Variants in FRMD3 observed in about 807,000 individuals in gnomAD.
FRMD3 encodes FERM domain containing 3.
FRMD3 carries 33 observed loss-of-function variants against 70.2 expected under a neutral mutation model. The observed-to-expected ratio is 0.47, with a 90% CI of 0.36 to 0.63. The LOEUF is 0.63. Ranked by LOEUF, FRMD3 falls within the 20% of genes least tolerant of loss-of-function variation. The pLI, the probability that FRMD3 is intolerant of heterozygous loss-of-function variation, is 0.00. For synonymous variants in FRMD3, 279 were observed against 255.9 expected, an observed-to-expected ratio of 1.09 and a Z score of -0.86; for missense variants, 632 against 711.4, an observed-to-expected ratio of 0.89 and a Z score of 1.27.
chr9:83,265,395 TAA>T (rs59688591), intron 13 of FRMD3, among the ~76,000 whole-genome samples: 1,839 of 77,260 alleles, frequency 0.024, 30 homozygotes, highest in African/African-American at 0.057. Context: ...GCGAGACTCT[TAA>T]AAAAAAAAAA....
chr9:83,570,154 A>C, the FRMD3 span, among the ~76,000 whole-genome samples: 2 of 152,226 alleles, frequency 1.3e-5, no homozygotes, highest in Non-Finnish European at 2.9e-5. Flanking sequence ...TATCTACTGT[A>C]TGTCAGGCAC....
At chr9:83,513,153 C>T (rs2131533372) in intron 1 of FRMD3, among the ~76,000 whole-genome samples, 2 of 152,332 alleles carry the variant, frequency 1.3e-5, no homozygotes, top group South Asian at 4.1e-4. Flanking sequence ...CCCAACAGAT[C>T]TTACCTCTAG....
rs1019167779 is a variant in FRMD3 at position 83,374,168 on chromosome 9, C to T, written c.253-1213G>A. On this transcript the variant is annotated intron_variant, in intron 2 of 13. Coordinates refer to ENST00000304195, the MANE Select transcript of FRMD3 (RefSeq NM_174938.6). ...GCAGCAGGATTCTGGTGCATGGGCC[C>T]TTAACCTCTCAACTGTATGGCCTCC... Among the ~76,000 whole-genome samples, 7 of 151,950 alleles carry T rather than the reference C, an allele frequency of 4.6e-5. No individual in the cohort carries two copies. The East Asian group carries it at 9.7e-4, about 21-fold the overall frequency.
At chr9:83,507,791 T>A (rs1228316991) in intron 1 of FRMD3, among the ~76,000 whole-genome samples, 2 of 140,224 alleles carry the variant, frequency 1.4e-5, no homozygotes, top group Non-Finnish European at 1.5e-5. Context: ...ACAGTTAACA[T>A]TTTGTATATA....
chr9:83,384,188 A>T (rs564227675), intron 2 of FRMD3, among the ~76,000 whole-genome samples: 1 of 152,350 alleles, frequency 6.6e-6, no homozygotes, highest in Admixed American at 6.5e-5. Flanking sequence ...TTTGAAACGT[A>T]AACAAAAGAG....
intron 1 of FRMD3, among the ~76,000 whole-genome samples, chr9:83,415,711 C>T (rs868314931): frequency 8.7e-5 from 13 of 150,082 alleles, no homozygotes; most frequent in South Asian, 2.1e-4. Flanking sequence ...CCACCTGCCT[C>T]GGCCTCCCAA....
the FRMD3 span, among the ~76,000 whole-genome samples, chr9:83,578,286 T>A: frequency 1.3e-5 from 2 of 151,978 alleles, no homozygotes; most frequent in Admixed American, 6.6e-5. Context: ...CTCAAATGCT[T>A]CTATAAAATT....
intron 1 of FRMD3, among the ~76,000 whole-genome samples, chr9:83,412,201 A>G (rs1174875031): frequency 6.6e-6 from 1 of 152,194 alleles, no homozygotes; most frequent in East Asian, 1.9e-4. Context: ...TCTGCTATTC[A>G]TACGTGTTGT....
intron 1 of FRMD3, among the ~76,000 whole-genome samples, chr9:83,466,923 C>A (rs771912381): frequency 6.6e-6 from 1 of 152,162 alleles, no homozygotes; most frequent in African/African-American, 2.4e-5. Context: ...GATGCTGGTT[C>A]TGCCGAAATA....
intron 6 of FRMD3, among the ~76,000 whole-genome samples, chr9:83,316,091 T>C (rs1265909886): frequency 6.6e-6 from 1 of 152,060 alleles, no homozygotes; most frequent in Non-Finnish European, 1.5e-5. Flanking sequence ...CTGTTATCCA[T>C]AAGGACTCGG....
chr9:83,329,044 G>C (rs970609742), intron 6 of FRMD3, among the ~76,000 whole-genome samples: 1 of 152,050 alleles, frequency 6.6e-6, no homozygotes, highest in Non-Finnish European at 1.5e-5. Flanking sequence ...TCCCCCTTAA[G>C]GTCATCGTAG....
At chr9:83,486,144 T>C (rs1364122199) in intron 1 of FRMD3, among the ~76,000 whole-genome samples, 1 of 152,212 alleles carries the variant, frequency 6.6e-6, no homozygotes. Context: ...CAACATTGAA[T>C]AATATCCTAT....
At chr9:83,469,993 A>T (rs1326809772) in intron 1 of FRMD3, among the ~76,000 whole-genome samples, 2 of 152,230 alleles carry the variant, frequency 1.3e-5, no homozygotes, top group Non-Finnish European at 2.9e-5. Flanking sequence ...AGGCATTTGT[A>T]CTTTTTAAAG....
rs1834378448 is a variant in FRMD3 at position 83,290,613 on chromosome 9, A to G, written c.1185T>C (p.Pro395=). Residue 395 remains proline (P), a synonymous_variant, in exon 13 of 14, where the codon CCT becomes CCC. Coordinates refer to ENST00000304195, the MANE Select transcript of FRMD3 (RefSeq NM_174938.6). ...AAGAGACAGACTTACCCTCACCCAGAGGAAGTTCTTCTTCTTGCTCGCTGG... is the reference window on the plus strand; with the variant it reads ...AAGAGACAGACTTACCCTCACCCAGGGGAAGTTCTTCTTCTTGCTCGCTGG... ...PSPSEQEEEL[P]LGEGVPLPKE... is the part of the protein sequence containing the mutation. The G allele has an allele frequency of 6.2e-7, 1 of 1,614,092 alleles. No homozygotes were observed. Among genetic ancestry groups the G allele is most frequent in the Non-Finnish European group, 8.5e-7 (1 of 1,179,996 alleles).
chr9:83,482,037 TAAAACAAAAG>T (rs1432484824), intron 1 of FRMD3, among the ~76,000 whole-genome samples: 1 of 149,758 alleles, frequency 6.7e-6, no homozygotes, highest in Non-Finnish European at 1.5e-5. Context: ...AAATTAGACA[TAAAACAAAAG>T]AAAACAAAAG....
At chr9:83,522,400 G>GT (rs1829591184) in intron 1 of FRMD3, among the ~76,000 whole-genome samples, 1 of 152,102 alleles carries the variant, frequency 6.6e-6, no homozygotes, top group Admixed American at 6.5e-5. Flanking sequence ...GGCTGGGGGG[G>GT]CAGGGAGCTG....
intron 13 of FRMD3, among the ~76,000 whole-genome samples, chr9:83,251,557 T>C (rs1225148044): frequency 6.6e-6 from 1 of 151,106 alleles, no homozygotes; most frequent in African/African-American, 2.5e-5. Flanking sequence ...AGGTGGGTAA[T>C]AACGAACATC....
chr9:83,409,857 A>G (rs1170161487), intron 1 of FRMD3, among the ~76,000 whole-genome samples: 4 of 152,202 alleles, frequency 2.6e-5, no homozygotes, highest in Non-Finnish European at 4.4e-5. Flanking sequence ...GCATACTCTG[A>G]GAACACTTCT....
chr9:83,514,419 C>T lies in FRMD3; in HGVS notation c.147+23666G>A, dbSNP rs180754351. On this transcript the variant is annotated intron_variant, in intron 1 of 13. Transcript: ENST00000304195. ...AGCCAGACTGACTCTCTAGATTCCTCGTCTCTGGGCAGGCCATCTCTGAAA... is the reference window on the plus strand; with the variant it reads ...AGCCAGACTGACTCTCTAGATTCCTTGTCTCTGGGCAGGCCATCTCTGAAA... Among the ~76,000 whole-genome samples the T allele has an allele frequency of 1.2e-4, 18 of 152,322 alleles. No homozygotes were observed. In the East Asian group the frequency reaches 2.9e-3, roughly 24 times the overall value.
Sources: allele counts gnomAD v4.1 joint callset (sites outside exome capture counted in the v4.1 genomes callset), GRCh38; gene constraint gnomAD v4.1.1; transcripts MANE v1.5; gene names NCBI Gene and HGNC (gene_info 2026-07-23, HGNC 2026-07-21).